Variants in RASAL2 observed in about 807,000 individuals in gnomAD.
RASAL2 encodes RAS protein activator like 2, also known as ras GTPase-activating protein nGAP.
RASAL2 carries 58 observed loss-of-function variants against 128.9 expected under a neutral mutation model. That is an observed-to-expected ratio of 0.45 (90% CI 0.36 to 0.56). RASAL2 has a LOEUF of 0.56. Ranked by LOEUF, RASAL2 falls within the 20% of genes least tolerant of loss-of-function variation. RASAL2 has a pLI of 0.00. For synonymous variants in RASAL2, 561 were observed against 580.8 expected (o/e 0.97, Z 0.49); for missense variants, 1,360 against 1,601.6 (o/e 0.85, Z 2.57).
intron 5 of RASAL2, among the ~76,000 whole-genome samples, chr1:178,438,068 C>T (rs1381283783): frequency 2.0e-5 from 3 of 150,310 alleles, no homozygotes; most frequent in Non-Finnish European, 3.0e-5. Flanking sequence ...AATATCAGAA[C>T]ACATGTTTTG....
Position 178,226,287 on chromosome 1 carries a change from G to A in RASAL2, c.203-57277G>A, listed in dbSNP as rs149086000. Among the ~76,000 whole-genome samples the A allele has an allele frequency of 5.0e-4, 76 of 152,170 alleles. No individual in the cohort carries two copies. The East Asian group carries it at 8.9e-3, about 18-fold the overall frequency. Reference sequence around the variant, plus strand: ...ATTTGTTGCATTGTTTTTTGGGGGGGCATGTTTCTTTGTGCCCACATCATG... The same window carrying A: ...ATTTGTTGCATTGTTTTTTGGGGGGACATGTTTCTTTGTGCCCACATCATG... On this transcript the variant is annotated intron_variant, in intron 1 of 17. Transcript: ENST00000367649.
At chr1:178,399,064 A>G (rs549587889) in intron 4 of RASAL2, among the ~76,000 whole-genome samples, 1 of 152,316 alleles carries the variant, frequency 6.6e-6, no homozygotes, top group Admixed American at 6.5e-5. Context: ...GTGAAGTTTA[A>G]TGGGACAATG....
At chr1:178,437,206 T>G (rs1164765287) in intron 5 of RASAL2, among the ~76,000 whole-genome samples, 3 of 152,140 alleles carry the variant, frequency 2.0e-5, no homozygotes, top group African/African-American at 7.2e-5. Context: ...ACAAATTGTT[T>G]GGATAGATGA....
chr1:178,235,368 AT>A (rs1664185200), intron 1 of RASAL2, among the ~76,000 whole-genome samples: 1 of 152,200 alleles, frequency 6.6e-6, no homozygotes. Flanking sequence ...ACTGTCTACA[AT>A]GTGTGAGGTG....
chr1:178,161,185 C>G (rs926178603), intron 1 of RASAL2, among the ~76,000 whole-genome samples: 9 of 151,570 alleles, frequency 5.9e-5, no homozygotes, highest in African/African-American at 2.2e-4. Context: ...GTTTTTAGTA[C>G]TTTGTACAAT....
chr1:178,393,747 A>G (rs897139624), intron 4 of RASAL2, among the ~76,000 whole-genome samples: 3 of 152,208 alleles, frequency 2.0e-5, no homozygotes, highest in Non-Finnish European at 4.4e-5. Context: ...TAGACAACAG[A>G]TAATCTGTTC....
chr1:178,443,236 G>A lies in RASAL2; in HGVS notation c.1482+7G>A. The stretch of plus-strand genomic sequence containing the variant: ...AAGTACTGGCAGAGCCAAGGTAAGT[G>A]GAAAAGGGGGATTGCAGTACCTGAA... On this transcript the variant is annotated splice_region_variant and intron_variant, in intron 8 of 17. Transcript: ENST00000367649. 1 of 1,585,850 alleles carries A rather than the reference G, an allele frequency of 6.3e-7. No individual in the cohort carries two copies. Among genetic ancestry groups the A allele is most frequent in the Non-Finnish European group, 8.6e-7 (1 of 1,158,192 alleles).
chr1:178,443,061 C>T lies in RASAL2; in HGVS notation c.1314C>T (p.Phe438=). Residue 438 remains phenylalanine, a synonymous_variant, in exon 8 of 18, where the codon TTC becomes TTT. Coordinates refer to ENST00000367649, the MANE Select transcript of RASAL2 (RefSeq NM_170692.4). ...CTTCTATTCGGATTAAATCACGTTT[C>T]CAAACTATCACCATTCTGCCTATGG... ...GGPSIRIKSR[F]QTITILPMEQ... The T allele has an allele frequency of 6.2e-7, 1 of 1,614,008 alleles. No individual in the cohort carries two copies. Among genetic ancestry groups the T allele is most frequent in the East Asian group, 2.2e-5 (1 of 44,870 alleles).
intron 3 of RASAL2, among the ~76,000 whole-genome samples, chr1:178,322,249 A>G (rs905651335): frequency 3.3e-5 from 5 of 152,042 alleles, no homozygotes; most frequent in Non-Finnish European, 5.9e-5. Context: ...TCTATTGCTT[A>G]TGTCCTGCCT....
intron 7 of RASAL2, 95 bp from the exon 8 acceptor site, chr1:178,442,580 A>C: frequency 9.7e-7 from 1 of 1,033,424 alleles, no homozygotes. Context: ...GACTCCCCTT[A>C]ATAGAGTACC....
intron 5 of RASAL2, among the ~76,000 whole-genome samples, chr1:178,423,929 T>A (rs142854409): frequency 6.0e-4 from 92 of 152,256 alleles, no homozygotes; most frequent in African/African-American, 2.1e-3. Flanking sequence ...TCTCCCAATC[T>A]GTTTCTTGTG....
intron 15 of RASAL2, among the ~76,000 whole-genome samples, 155 bp downstream of exon 15, chr1:178,464,567 G>GGTGTGTGT (rs58822651): frequency 0.011 from 1,566 of 145,098 alleles, 26 homozygotes; most frequent in African/African-American, 0.026. Flanking sequence ...ATAGGTCAGT[G>GGTGTGTGT]GTGTGTGTGT....
At chr1:178,422,745 T>C (rs1214398829) in intron 5 of RASAL2, among the ~76,000 whole-genome samples, 1 of 152,142 alleles carries the variant, frequency 6.6e-6, no homozygotes, top group Non-Finnish European at 1.5e-5. Context: ...CAAAATGTTA[T>C]ACAGTGTCTA....
At chr1:178,369,750 C>G (rs1209304921) in intron 3 of RASAL2, among the ~76,000 whole-genome samples, 2 of 152,002 alleles carry the variant, frequency 1.3e-5, no homozygotes, top group Non-Finnish European at 2.9e-5. Flanking sequence ...AAATTATAAT[C>G]TCACTTTCAA....
intron 1 of RASAL2, among the ~76,000 whole-genome samples, chr1:178,110,601 GTATA>G (rs951181184): frequency 3.6e-5 from 5 of 139,498 alleles, no homozygotes; most frequent in African/African-American, 8.0e-5. Flanking sequence ...TATATATACT[GTATA>G]TATACACTAT....
chr1:178,410,470 C>A (rs1322802982), intron 4 of RASAL2, among the ~76,000 whole-genome samples: 1 of 152,062 alleles, frequency 6.6e-6, no homozygotes, highest in Non-Finnish European at 1.5e-5. Context: ...TAGGCAAAGA[C>A]TTCGTGATCA....
At chr1:178,251,518 A>G (rs996093984) in intron 1 of RASAL2, among the ~76,000 whole-genome samples, 6 of 152,202 alleles carry the variant, frequency 3.9e-5, no homozygotes, top group African/African-American at 1.4e-4. Flanking sequence ...ATAATTCCTC[A>G]TTTATCTACA....
Position 178,457,756 on chromosome 1 carries a change from G to A in RASAL2, c.2464G>A (p.Val822Ile). 6.2e-7 allele frequency: 1 copy of A among 1,614,132 alleles called. No homozygotes were observed. Among genetic ancestry groups the A allele is most frequent in the South Asian group, 1.1e-5 (1 of 91,082 alleles). Residue 822 changes from valine to isoleucine, a missense_variant, in exon 14 of 18, where the codon GTT (valine) becomes ATT (isoleucine). This residue lies in a region of RASAL2 where 741 missense variants were observed against 868.6 expected (regional missense o/e 0.85). Coordinates refer to ENST00000367649, the MANE Select transcript of RASAL2 (RefSeq NM_170692.4). The part of the protein sequence containing the change: ...SYFRGKTLLL[V>I]QQASSQSMTY... The stretch of plus-strand genomic sequence containing the variant: ...CTTCAGAGGGAAAACATTATTGCTG[G>A]TTCAGCAAGCCTCCTCTCAGAGCAT...
chr1:178,110,328 C>T (rs1183535446), intron 1 of RASAL2, among the ~76,000 whole-genome samples: 2 of 151,774 alleles, frequency 1.3e-5, no homozygotes, highest in Non-Finnish European at 2.9e-5. Flanking sequence ...CCAACAGATA[C>T]CAAAATCCTC....
Sources: allele counts gnomAD v4.1 joint callset (sites outside exome capture counted in the v4.1 genomes callset), GRCh38; gene constraint gnomAD v4.1.1; regional missense constraint gnomAD v4.1.1; transcripts MANE v1.5; gene names NCBI Gene and HGNC (gene_info 2026-07-23, HGNC 2026-07-21).